The following TUSC3 variants were observed in gnomAD, a reference collection of about 807,000 sequenced individuals.
TUSC3 encodes dolichyl-diphosphooligosaccharide--protein glycosyltransferase subunit TUSC3.
TUSC3 carries 45 observed loss-of-function variants against 44.8 expected under a neutral mutation model. The ratio of observed to expected loss-of-function variants is 1.00; its 90% CI spans 0.79 to 1.29. TUSC3 has a LOEUF of 1.29. TUSC3 is among the 50% of genes most tolerant of loss of function. The pLI is 0.00. For missense variants in TUSC3, 519 were observed against 437.9 expected, an observed-to-expected ratio of 1.19 and a Z score of -1.65; for synonymous variants, 212 against 152.9, an observed-to-expected ratio of 1.39 and a Z score of -2.85.
intron 1 of TUSC3, among the ~76,000 whole-genome samples, chr8:15,423,658 T>G (rs1799765438): frequency 6.6e-6 from 1 of 152,212 alleles, no homozygotes; most frequent in African/African-American, 2.4e-5. Flanking sequence ...GAAGTGCACA[T>G]CCTTGCCCTG....
chr8:15,766,487 G>T lies in TUSC3; in HGVS notation c.*2331G>T, dbSNP rs969923556. ...AAACTGTCATAAAAATTGATTATAT[G>T]TTTAACAATTGTTTTTCTACTACAG... On this transcript the variant is annotated 3_prime_UTR_variant, in exon 11 of 11. Coordinates refer to ENST00000503731, the MANE Select transcript of TUSC3 (RefSeq NM_006765.4). 1 of 151,898 alleles carries T rather than the reference G, an allele frequency of 6.6e-6. No individual in the cohort carries two copies. Among genetic ancestry groups the T allele is most frequent in the Non-Finnish European group, 1.5e-5 (1 of 67,928 alleles). 9.4% of individuals were successfully genotyped at this position (151,898 alleles called of 1,614,324 possible). A position where few individuals can be genotyped will look rare whatever the true frequency, so the allele number is the denominator to read the frequency against.
intron 2 of TUSC3, among the ~76,000 whole-genome samples, chr8:15,638,881 A>T (rs139072311): frequency 0.035 from 5,264 of 152,234 alleles, 120 homozygotes; most frequent in Non-Finnish European, 0.049. Flanking sequence ...ATGCTAGATC[A>T]CGTGATGTTC....
chr8:15,760,894 TCTTA>T (rs1812144124), intron 10 of TUSC3, among the ~76,000 whole-genome samples: 4 of 152,212 alleles, frequency 2.6e-5, no homozygotes, highest in Admixed American at 1.3e-4. Context: ...TGTCCCTGCA[TCTTA>T]CTTGTTCTCA....
chr8:15,627,732 G>A (rs748218643), intron 2 of TUSC3, among the ~76,000 whole-genome samples: 30 of 152,242 alleles, frequency 2.0e-4, no homozygotes, highest in Non-Finnish European at 3.5e-4. Context: ...GGGAGCTGGT[G>A]TCTCTTCCAG....
the TUSC3 span, among the ~76,000 whole-genome samples, chr8:15,822,378 A>C: frequency 2.4e-4 from 37 of 152,162 alleles, no homozygotes; most frequent in African/African-American, 8.7e-4. Context: ...TTTAGACTCC[A>C]TAAGGTCCCC....
the TUSC3 span, among the ~76,000 whole-genome samples, chr8:15,837,657 G>A: frequency 2.6e-5 from 4 of 151,970 alleles, no homozygotes. Context: ...CTGTTGTCTT[G>A]TTATCACTCA....
chr8:15,538,024 A>G (rs1187776316), upstream of TUSC3, among the ~76,000 whole-genome samples: 1 of 152,180 alleles, frequency 6.6e-6, no homozygotes, highest in Non-Finnish European at 1.5e-5. Context: ...ATGTACGCAC[A>G]TAGGAGCTTA....
chr8:15,497,331 A>T (rs1027307738), intron 2 of TUSC3, among the ~76,000 whole-genome samples: 2 of 152,112 alleles, frequency 1.3e-5, no homozygotes, highest in African/African-American at 4.8e-5. Context: ...TAGAAGAGAC[A>T]TATCCTCAAG....
the TUSC3 span, among the ~76,000 whole-genome samples, chr8:15,827,635 C>G: frequency 0.012 from 1,771 of 152,226 alleles, 48 homozygotes; most frequent in African/African-American, 0.04. Flanking sequence ...TTTTTACCCT[C>G]AGATTTTGCT....
At chr8:15,746,484 T>G (rs1811420195) in intron 8 of TUSC3, among the ~76,000 whole-genome samples, 1 of 152,160 alleles carries the variant, frequency 6.6e-6, no homozygotes, top group Non-Finnish European at 1.5e-5. Flanking sequence ...TGGCATTTTA[T>G]TTTCACAGGT....
chr8:15,780,830 G>C, the TUSC3 span, among the ~76,000 whole-genome samples: 1 of 152,148 alleles, frequency 6.6e-6, no homozygotes, highest in Non-Finnish European at 1.5e-5. Context: ...CTAGGAGCAG[G>C]GGAAACTGAG....
intron 6 of TUSC3, among the ~76,000 whole-genome samples, chr8:15,706,745 G>C (rs1809630271): frequency 6.6e-6 from 1 of 151,960 alleles, no homozygotes; most frequent in Admixed American, 6.6e-5. Flanking sequence ...TTGAACTCTT[G>C]ATTGTGCAAA....
At chr8:15,757,762 G>A (rs1043095254) in intron 9 of TUSC3, 29 bp from the exon 10 acceptor site, 18 of 1,473,888 alleles carry the variant, frequency 1.2e-5, no homozygotes, top group Middle Eastern at 1.7e-4. Context: ...TTTCCATATT[G>A]TTGTATTTCA....
chr8:15,612,987 C>T (rs1804825271), intron 1 of TUSC3, among the ~76,000 whole-genome samples: 1 of 151,204 alleles, frequency 6.6e-6, no homozygotes, highest in Non-Finnish European at 1.5e-5. Flanking sequence ...CCATCCCTTC[C>T]TGAGTTGGCA....
At chr8:15,425,616 G>C (rs1799794080) in intron 1 of TUSC3, among the ~76,000 whole-genome samples, 1 of 152,232 alleles carries the variant, frequency 6.6e-6, no homozygotes, top group South Asian at 2.1e-4. Flanking sequence ...GTGTGGCCGA[G>C]TCTGAGCCAC....
intron 2 of TUSC3, among the ~76,000 whole-genome samples, chr8:15,630,730 C>G (rs1460501317): frequency 2.0e-5 from 3 of 152,100 alleles, no homozygotes; most frequent in Non-Finnish European, 4.4e-5. Context: ...GCAGTGATCT[C>G]TCCGCCAGCA....
intron 2 of TUSC3, among the ~76,000 whole-genome samples, chr8:15,507,934 G>A (rs6989485): frequency 0.84 from 128,529 of 152,194 alleles, 54,904 homozygotes; most frequent in East Asian, 0.99. Context: ...CCAAAATAAC[G>A]AAAGATGAGT....
chr8:15,678,478 TG>T (rs1281568488), intron 6 of TUSC3, among the ~76,000 whole-genome samples: 1 of 152,104 alleles, frequency 6.6e-6, no homozygotes, highest in Non-Finnish European at 1.5e-5. Flanking sequence ...AGATATGCCC[TG>T]GAAAAAAAGC....
At chr8:15,509,036 A>G (rs1180707336) in intron 2 of TUSC3, among the ~76,000 whole-genome samples, 3 of 152,140 alleles carry the variant, frequency 2.0e-5, no homozygotes, top group Non-Finnish European at 4.4e-5. Context: ...ATGAGAGGGA[A>G]GTGTTGAAGG....
Sources: gnomAD v4.1 joint callset for allele counts (sites outside exome capture counted in the v4.1 genomes callset) on GRCh38, gnomAD v4.1.1 for gene constraint, MANE v1.5 for transcripts, NCBI Gene and HGNC (gene_info 2026-07-23, HGNC 2026-07-21) for gene names.